The following SH2B3 variants were observed in gnomAD, a reference collection of about 807,000 sequenced individuals.
SH2B3 encodes SH2B adaptor protein 3.
A neutral mutation model predicts 51.9 loss-of-function variants in SH2B3; 43 were observed. The observed-to-expected ratio is 0.83, with a 90% CI of 0.65 to 1.07. The LOEUF (loss-of-function observed/expected upper bound fraction) is 1.07, where lower values mean the gene tolerates loss of function less well. Ranked by LOEUF, SH2B3 falls within the 50% of genes least tolerant of loss-of-function variation. The probability of loss-of-function intolerance (pLI) is 0.00; values close to 1 mark genes in which losing one functional copy is unlikely to be tolerated. For synonymous variants in SH2B3, 396 were observed against 376.0 expected (o/e 1.05, Z -0.62); for missense variants, 952 against 834.3 (o/e 1.14, Z -1.74).
rs955362296 is a variant in SH2B3 at position 111,418,977 on chromosome 12, G to C, written c.732+100G>C. The C allele has an allele frequency of 1.7e-6, 2 of 1,183,110 alleles. No individual in the cohort carries two copies. The highest frequency in any genetic ancestry group is 4.2e-5 in the Admixed American group (1 of 23,744). 73.3% of individuals were successfully genotyped at this position (1,183,110 alleles called of 1,614,324 possible). On this transcript the variant is annotated intron_variant, in intron 2 of 7. Transcript: ENST00000341259. This position sits in a 1 kb window ranked among gnomAD's most constrained non-coding sequence, Gnocchi z 6.7. Reference sequence around the variant, plus strand: ...GGGAGGTGTGATGGCTTTCCAGCTGGTGGCCACAGAGTGTCCAGAGGGAAC... The same window carrying C: ...GGGAGGTGTGATGGCTTTCCAGCTGCTGGCCACAGAGTGTCCAGAGGGAAC...
intron 2 of SH2B3, among the ~76,000 whole-genome samples, chr12:111,425,072 T>C (rs899885578): frequency 1.3e-5 from 2 of 152,080 alleles, no homozygotes; most frequent in East Asian, 1.9e-4. Context: ...CCAGGTGGGC[T>C]CAGCCCACAG....
chr12:111,445,595 C>T lies in SH2B3; in HGVS notation c.733-1158C>T, dbSNP rs553985963. On this transcript the variant is annotated intron_variant, in intron 2 of 7. Coordinates refer to ENST00000341259, the MANE Select transcript of SH2B3 (RefSeq NM_005475.3). ...TGAGCTGTGGCCAGTGTTGGTCATT[C>T]CTGCAGTCATTACTCTCCCCCAGCC... Among the ~76,000 whole-genome samples, 8 of 152,366 alleles carry T rather than the reference C, an allele frequency of 5.3e-5. No homozygotes were observed. The South Asian group carries it at 1.4e-3, about 28-fold the overall frequency.
At chr12:111,425,138 C>T (rs1871889251) in intron 2 of SH2B3, among the ~76,000 whole-genome samples, 3 of 151,974 alleles carry the variant, frequency 2.0e-5, no homozygotes, top group South Asian at 2.1e-4. Context: ...TGTGTGACCG[C>T]GGGCCTGTGG....
chr12:111,426,904 C>A (rs11065899), intron 2 of SH2B3, among the ~76,000 whole-genome samples: 15,530 of 152,102 alleles, frequency 0.1, 2,652 homozygotes, highest in African/African-American at 0.35. Context: ...GGCCCCTAAC[C>A]CCAAGCCCTT....
intron 1 of SH2B3, among the ~76,000 whole-genome samples, chr12:111,415,378 C>A (rs1002587609): frequency 2.0e-5 from 3 of 152,144 alleles, no homozygotes; most frequent in African/African-American, 7.2e-5. Flanking sequence ...CTGTTCTGCA[C>A]CGTGGACAGC....
chr12:111,418,689 T>TCCTGCCCTGGAGCCTGGCCCAGAAGC lies in SH2B3; in HGVS notation c.544_545insCCTGCCCTGGAGCCTGGCCCAGAAGC (p.Phe182SerfsTer24), dbSNP rs1565970467. ...CGCCCGGCCTGGCCTGGCCAAGAAG[T>TCCTGCCCTGGAGCCTGGCCCAGAAGC]TCCTGCCCTGGAGCCTGGCCCGGGA... On this transcript the variant is annotated frameshift_variant, in exon 2 of 8. Transcript: ENST00000341259. LOFTEE classifies it high-confidence loss of function. The surrounding 1 kb of genome is among the most constrained non-coding windows in gnomAD (Gnocchi z 6.7). 2 of 1,489,082 alleles carry TCCTGCCCTGGAGCCTGGCCCAGAAGC rather than the reference T, an allele frequency of 1.3e-6. No homozygotes were observed. The highest frequency in any genetic ancestry group is 3.0e-5 in the African/African-American group (2 of 67,774). The allele number at this position is 1,489,082 out of a possible 1,614,324, so 92.2% of individuals were successfully genotyped here.
chr12:111,428,695 G>A (rs1872204645), intron 2 of SH2B3, among the ~76,000 whole-genome samples: 1 of 152,196 alleles, frequency 6.6e-6, no homozygotes, highest in Admixed American at 6.5e-5. Context: ...GGGGGCCTCA[G>A]TTCCTGGGTG....
intron 1 of SH2B3, among the ~76,000 whole-genome samples, chr12:111,411,497 AGAG>A (rs1202496858): frequency 1.3e-5 from 2 of 152,172 alleles, no homozygotes; most frequent in Non-Finnish European, 2.9e-5. Flanking sequence ...GTGATTAGAT[AGAG>A]GAGAGGCTGA....
chr12:111,448,022 A>T lies in SH2B3; in HGVS notation c.1448A>T (p.His483Leu), dbSNP rs368176419. The change falls in exon 8 of 8, where the codon CAC (histidine) becomes CTC (leucine). Residue 483 changes from histidine to leucine, a missense_variant. By Grantham distance (99) the His-to-Leu change is moderately conservative. Transcript: ENST00000341259. ...GTCCTCTTCCCTTTCTCCCTTCCTCACTGGGATTCAGAGTCCCTTCCTCAC... is the reference window on the plus strand; with the variant it reads ...GTCCTCTTCCCTTTCTCCCTTCCTCTCTGGGATTCAGAGTCCCTTCCTCAC... ...NTVLFPFSLP[H>L]WDSESLPHWG... 9 of 1,610,246 alleles carry T rather than the reference A, an allele frequency of 5.6e-6. No homozygotes were observed. The highest frequency in any genetic ancestry group is 5.9e-6 in the Non-Finnish European group (7 of 1,177,510).
Position 111,418,647 on chromosome 12 carries a change from G to A in SH2B3, c.502G>A (p.Glu168Lys). The part of the protein sequence containing the change: ...HTAAAPGTPG[E>K]AAETPARPGL... ...CGCTGCCGCCCCCGGGACCCCCGGA[G>A]AGGCTGCTGAGACCCCCGCCCGGCC... The change falls in exon 2 of 8, where the codon GAG (glutamate) becomes AAG (lysine). Residue 168 changes from glutamate to lysine, a missense_variant. By Grantham distance (56) the Glu-to-Lys change is moderately conservative. Transcript: ENST00000341259. The surrounding 1 kb of genome is among the most constrained non-coding windows in gnomAD (Gnocchi z 6.7). 6.8e-7 allele frequency: 1 copy of A among 1,479,638 alleles called. No individual in the cohort carries two copies. The highest frequency in any genetic ancestry group is 8.9e-7 in the Non-Finnish European group (1 of 1,124,674). The allele number at this position is 1,479,638 out of a possible 1,614,324, so 91.7% of individuals were successfully genotyped here.
intron 2 of SH2B3, among the ~76,000 whole-genome samples, chr12:111,428,596 A>G (rs1434347904): frequency 6.6e-6 from 1 of 152,130 alleles, no homozygotes; most frequent in Non-Finnish European, 1.5e-5. Context: ...GCCCTGGAAC[A>G]AGGCCACTCT....
Position 111,418,065 on chromosome 12 carries a change from C to A in SH2B3, c.-27-54C>A, listed in dbSNP as rs1312878273. 73 of 1,370,778 alleles carry A rather than the reference C, an allele frequency of 5.3e-5. No homozygotes were observed. The highest frequency in any genetic ancestry group is 6.4e-5 in the Non-Finnish European group (66 of 1,034,390). 84.9% of individuals were successfully genotyped at this position (1,370,778 alleles called of 1,614,324 possible). On this transcript the variant is annotated intron_variant, in intron 1 of 7. Transcript: ENST00000341259. The surrounding 1 kb of genome is among the most constrained non-coding windows in gnomAD (Gnocchi z 6.7). Reference sequence around the variant, plus strand: ...TGCCCGGTGTGTAATGGGGCCTACACCTGCTTGCCCACCTGCTTACTCCTT... The same window carrying A: ...TGCCCGGTGTGTAATGGGGCCTACAACTGCTTGCCCACCTGCTTACTCCTT...
At chr12:111,424,073 C>T (rs1031260051) in intron 2 of SH2B3, among the ~76,000 whole-genome samples, 2 of 152,220 alleles carry the variant, frequency 1.3e-5, no homozygotes, top group African/African-American at 4.8e-5. Flanking sequence ...GATCGTGCTA[C>T]TGCACTCTAG....
chr12:111,411,572 C>T (rs1161039183), intron 1 of SH2B3, among the ~76,000 whole-genome samples: 1 of 152,150 alleles, frequency 6.6e-6, no homozygotes, highest in Non-Finnish European at 1.5e-5. Flanking sequence ...AGGTTCCCAG[C>T]GATTCAAGGT....
intron 2 of SH2B3, among the ~76,000 whole-genome samples, chr12:111,420,584 G>A (rs1075679): frequency 1.3e-5 from 2 of 152,200 alleles, no homozygotes; most frequent in South Asian, 2.1e-4. Context: ...GAGCAAAACC[G>A]ATGTGATACT....
chr12:111,436,684 C>T (rs1193566568), intron 2 of SH2B3, among the ~76,000 whole-genome samples: 2 of 151,986 alleles, frequency 1.3e-5, no homozygotes, highest in African/African-American at 2.4e-5. Flanking sequence ...AGGGAGGCCA[C>T]TCTAGCATCT....
At chr12:111,442,789 C>T (rs1873555044) in intron 2 of SH2B3, among the ~76,000 whole-genome samples, 1 of 152,238 alleles carries the variant, frequency 6.6e-6, no homozygotes, top group African/African-American at 2.4e-5. Flanking sequence ...CCTGCTCTCT[C>T]ACCAGGGGAG....
Position 111,451,306 on chromosome 12 carries a change from C to T in SH2B3, c.*3004C>T, listed in dbSNP as rs567403911. The T allele has an allele frequency of 6.5e-6, 1 of 152,726 alleles. No individual in the cohort carries two copies. Among genetic ancestry groups the T allele is most frequent in the South Asian group, 2.1e-4 (1 of 4,834 alleles). 9.5% of individuals were successfully genotyped at this position (152,726 alleles called of 1,614,324 possible). On this transcript the variant is annotated 3_prime_UTR_variant, in exon 8 of 8. Coordinates refer to ENST00000341259, the MANE Select transcript of SH2B3 (RefSeq NM_005475.3). ...GCCTTGGACTCTTCCCTGAGGGTTG[C>T]CTGAGATTCCTTCATGCTTTCTATT...
Position 111,418,750 on chromosome 12 carries a change from G to C in SH2B3, c.605G>C (p.Arg202Pro), listed in dbSNP as rs953545115. The C allele has an allele frequency of 6.7e-7, 1 of 1,482,088 alleles. No homozygotes were observed. 91.8% of individuals were successfully genotyped at this position (1,482,088 alleles called of 1,614,324 possible). A position where few individuals can be genotyped will look rare whatever the true frequency, so the allele number is the denominator to read the frequency against. The change falls in exon 2 of 8, where the codon CGC (arginine) becomes CCC (proline). Residue 202 changes from arginine (R) to proline (P), a missense_variant. Arg to Pro is a moderately radical substitution (Grantham distance 103). Transcript: ENST00000341259. This position sits in a 1 kb window ranked among gnomAD's most constrained non-coding sequence, Gnocchi z 6.7. ...PPEALKEAVLRYSLADEASMD... is the reference protein window; with the variant it reads ...PPEALKEAVLPYSLADEASMD... The stretch of plus-strand genomic sequence containing the variant: ...GAGGCGCTGAAGGAGGCGGTGCTGC[G>C]CTACAGCCTGGCCGACGAGGCCTCC...
Sources: allele counts gnomAD v4.1 joint callset (sites outside exome capture counted in the v4.1 genomes callset), GRCh38; gene constraint gnomAD v4.1.1; non-coding constraint Gnocchi (gnomAD v3.1); transcripts MANE v1.5; gene names NCBI Gene and HGNC (gene_info 2026-07-23, HGNC 2026-07-21).